STXBP6: variants seen among roughly 807,000 people sequenced by gnomAD.
STXBP6 encodes the protein syntaxin binding protein 6, also known as syntaxin-binding protein 6.
A neutral mutation model predicts 26.9 loss-of-function variants in STXBP6; 21 were observed. The observed-to-expected ratio is 0.78, with a 90% CI of 0.55 to 1.12. The LOEUF (loss-of-function observed/expected upper bound fraction) is 1.12, where lower values mean the gene tolerates loss of function less well. Among genes scored for constraint, STXBP6 ranks in the 50% most tolerant of loss-of-function variants. STXBP6 has a pLI of 0.00. For missense variants in STXBP6, 232 were observed against 257.9 expected (o/e 0.90, Z 0.69); for synonymous variants, 97 against 92.6 (o/e 1.05, Z -0.27).
chr14:25,043,463 TATACCATAAA>T, intron 1 of STXBP6, among the ~76,000 whole-genome samples: 1 of 152,326 alleles, frequency 6.6e-6, no homozygotes, highest in Non-Finnish European at 1.5e-5. Context: ...TAATAATTCA[TATACCATAAA>T]ATTCACTCTT....
At chr14:25,031,683 T>C (rs1420105727) in intron 1 of STXBP6, among the ~76,000 whole-genome samples, 2 of 152,194 alleles carry the variant, frequency 1.3e-5, no homozygotes, top group Non-Finnish European at 2.9e-5. Context: ...GTAATAAATA[T>C]TTTTGAAGAA....
At chr14:24,882,182 A>T (rs2070383532) in intron 2 of STXBP6, among the ~76,000 whole-genome samples, 1 of 151,186 alleles carries the variant, frequency 6.6e-6, no homozygotes, top group Admixed American at 6.6e-5. Context: ...GATCGCGACC[A>T]TCCCGGCTAA....
chr14:24,969,538 G>A (rs1381663080), intron 2 of STXBP6, among the ~76,000 whole-genome samples: 1 of 152,202 alleles, frequency 6.6e-6, no homozygotes, highest in Non-Finnish European at 1.5e-5. Context: ...TTTACACTTT[G>A]AATGTGTTAA....
chr14:24,874,229 TGTTGTG>T (rs1393564432), intron 2 of STXBP6, among the ~76,000 whole-genome samples: 1 of 151,938 alleles, frequency 6.6e-6, no homozygotes, highest in Non-Finnish European at 1.5e-5. Context: ...GAGGGCAGGG[TGTTGTG>T]GGGAGGGCAT....
intron 4 of STXBP6, among the ~76,000 whole-genome samples, chr14:24,844,747 C>A (rs2068897647): frequency 6.6e-6 from 1 of 152,168 alleles, no homozygotes; most frequent in Admixed American, 6.5e-5. Context: ...CATGTTGAAT[C>A]ACTTTTAAAT....
At chr14:25,007,839 T>A (rs1454102164) in intron 1 of STXBP6, among the ~76,000 whole-genome samples, 2 of 152,208 alleles carry the variant, frequency 1.3e-5, no homozygotes, top group Non-Finnish European at 2.9e-5. Context: ...GACAAGCCAC[T>A]TTTTGTACTA....
chr14:25,040,030 T>C (rs988641010), intron 1 of STXBP6, among the ~76,000 whole-genome samples: 1 of 152,106 alleles, frequency 6.6e-6, no homozygotes, highest in African/African-American at 2.4e-5. Context: ...CTCAACAGGA[T>C]ACCCAGGTGA....
intron 2 of STXBP6, among the ~76,000 whole-genome samples, chr14:24,875,827 G>C (rs534717243): frequency 6.6e-6 from 1 of 152,120 alleles, no homozygotes; most frequent in East Asian, 1.9e-4. Context: ...GTGGCGGGAG[G>C]GGAAATGAGT....
chr14:24,969,206 T>C (rs1213659710), intron 2 of STXBP6, among the ~76,000 whole-genome samples: 1 of 152,212 alleles, frequency 6.6e-6, no homozygotes, highest in Non-Finnish European at 1.5e-5. Flanking sequence ...AAGATTAAGA[T>C]TTTCTGTTTC....
intron 2 of STXBP6, among the ~76,000 whole-genome samples, chr14:24,904,412 TA>T (rs760010794): frequency 5.3e-5 from 8 of 152,176 alleles, no homozygotes; most frequent in African/African-American, 1.2e-4. Flanking sequence ...TCTAGGAAAT[TA>T]TTTTTTTGTA....
chr14:24,863,547 A>C (rs1022612832), intron 2 of STXBP6, among the ~76,000 whole-genome samples: 35 of 152,204 alleles, frequency 2.3e-4, no homozygotes, highest in African/African-American at 8.0e-4. Flanking sequence ...GAGTAAAGAA[A>C]ATGGTAATAA....
rs187551012 is a variant in STXBP6 at position 24,981,999 on chromosome 14, T to C, written c.-32-7149A>G. Among the ~76,000 whole-genome samples, 528 of 152,332 alleles carry C rather than the reference T, an allele frequency of 3.5e-3. 1 individual carries two copies. Among genetic ancestry groups the C allele is most frequent in the African/African-American group, 0.011 (459 of 41,586 alleles). On this transcript the variant is annotated intron_variant, in intron 1 of 5. Transcript: ENST00000323944. ...TTGCAATTTTATGTGTATATTTACA[T>C]GCATAAAGAGATGTCTAGAAAATAG...
At chr14:24,969,137 T>G (rs949824195) in intron 2 of STXBP6, among the ~76,000 whole-genome samples, 1 of 152,318 alleles carries the variant, frequency 6.6e-6, no homozygotes, top group African/African-American at 2.4e-5. Context: ...TCAAAAAGCA[T>G]TCAGAACTTT....
intron 4 of STXBP6, among the ~76,000 whole-genome samples, chr14:24,837,963 C>T (rs2068667977): frequency 6.6e-6 from 1 of 152,200 alleles, no homozygotes; most frequent in Non-Finnish European, 1.5e-5. Context: ...AAGAATCTTT[C>T]CTTCTTATTA....
rs976017720 is a variant in STXBP6 at position 24,882,413 on chromosome 14, A to G, written c.155-25256T>C. Among the ~76,000 whole-genome samples the G allele has an allele frequency of 4.2e-5, 5 of 118,746 alleles. No individual in the cohort carries two copies. The East Asian group carries it at 1.1e-3, about 25-fold the overall frequency. The allele number at this position is 118,746 out of a possible 152,430, so 77.9% of individuals were successfully genotyped here. On this transcript the variant is annotated intron_variant, in intron 2 of 5. Transcript: ENST00000323944. Reference sequence around the variant, plus strand: ...AAAAAAAAAAAAAAAAAAAAAAAAAAAGAGGGGCTTTCCCATACCTAAGGG... The same window carrying G: ...AAAAAAAAAAAAAAAAAAAAAAAAAGAGAGGGGCTTTCCCATACCTAAGGG...
intron 1 of STXBP6, among the ~76,000 whole-genome samples, chr14:24,982,856 C>A (rs746604373): frequency 6.6e-6 from 1 of 152,198 alleles, no homozygotes; most frequent in Non-Finnish European, 1.5e-5. Flanking sequence ...TTGTCAATTA[C>A]TACATCCTAA....
chr14:25,012,888 AGGGATTCCCATC>A (rs1018879220), intron 1 of STXBP6, among the ~76,000 whole-genome samples: 4 of 152,146 alleles, frequency 2.6e-5, no homozygotes, highest in African/African-American at 9.7e-5. Flanking sequence ...GACCACACAA[AGGGATTCCCATC>A]GGCCAAAGAT....
chr14:24,987,478 G>T (rs1566538889), intron 1 of STXBP6, among the ~76,000 whole-genome samples: 1 of 152,206 alleles, frequency 6.6e-6, no homozygotes, highest in Non-Finnish European at 1.5e-5. Context: ...TCCCACCTGG[G>T]GTGTCCTGAT....
At chr14:24,819,693 C>A (rs758429450) in intron 4 of STXBP6, among the ~76,000 whole-genome samples, 2 of 152,164 alleles carry the variant, frequency 1.3e-5, no homozygotes, top group Non-Finnish European at 2.9e-5. Flanking sequence ...TCCAATGCTT[C>A]TTCTTCATTT....
Sources: allele counts gnomAD v4.1 joint callset (sites outside exome capture counted in the v4.1 genomes callset), GRCh38; gene constraint gnomAD v4.1.1; transcripts MANE v1.5; gene names NCBI Gene and HGNC (gene_info 2026-07-23, HGNC 2026-07-21).